TMC1: variants seen among roughly 807,000 people sequenced by gnomAD.
The protein encoded by TMC1 is transmembrane channel-like protein 1.
In TMC1, 84 loss-of-function variants were observed where a neutral mutation model predicts 105.8. That is an observed-to-expected ratio of 0.79 (90% CI 0.67 to 0.95). The LOEUF (loss-of-function observed/expected upper bound fraction) is 0.95. Among genes scored for constraint, TMC1 ranks in the 40% least tolerant of loss-of-function variants. The pLI is 0.00. For synonymous variants in TMC1, 315 were observed against 311.5 expected (o/e 1.01, Z -0.12); for missense variants, 817 against 914.1 (o/e 0.89, Z 1.37).
At chr9:72,675,483 G>C (rs944185989) in intron 5 of TMC1, among the ~76,000 whole-genome samples, 1 of 152,110 alleles carries the variant, frequency 6.6e-6, no homozygotes, top group African/African-American at 2.4e-5. Flanking sequence ...AAGCACCTGC[G>C]TGTATTTGTT....
In TMC1 at chr9:72,570,676, C is replaced by CTTTTTTT. The variant is rs529953890; in HGVS notation, c.-427-7202_-427-7196dup. On this transcript the variant is annotated intron_variant, in intron 1 of 23. Coordinates refer to ENST00000297784, the MANE Select transcript of TMC1 (RefSeq NM_138691.3). ...AGAAATCTACACTTTGCCAAATTTC[C>CTTTTTTT]TTTTTTTTTTTTTTTTTTTTTTTTT... Among the ~76,000 whole-genome samples the CTTTTTTT allele has an allele frequency of 7.9e-5, 6 of 75,614 alleles. 1 individual carries two copies. Among genetic ancestry groups the CTTTTTTT allele is most frequent in the Non-Finnish European group, 1.2e-4 (5 of 43,054 alleles). The allele number at this position is 75,614 out of a possible 152,430, so 49.6% of individuals were successfully genotyped here.
At chr9:72,802,884 T>G (rs986234177) in intron 17 of TMC1, among the ~76,000 whole-genome samples, 1 of 152,200 alleles carries the variant, frequency 6.6e-6, no homozygotes, top group African/African-American at 2.4e-5. Context: ...AAAAAACATT[T>G]TTAAATTCAT....
intron 13 of TMC1, among the ~76,000 whole-genome samples, chr9:72,778,563 G>C (rs889840404): frequency 6.6e-6 from 1 of 152,184 alleles, no homozygotes; most frequent in Admixed American, 6.5e-5. Context: ...ACTGCAGACT[G>C]TGTGGAGTTC....
intron 1 of TMC1, among the ~76,000 whole-genome samples, chr9:72,553,763 T>G (rs1823891162): frequency 6.6e-6 from 1 of 152,198 alleles, no homozygotes; most frequent in African/African-American, 2.4e-5. Flanking sequence ...ATTGGATTTC[T>G]GGGGTCCTAG....
chr9:72,591,945 A>G (rs564930676), intron 2 of TMC1, among the ~76,000 whole-genome samples: 1 of 152,244 alleles, frequency 6.6e-6, no homozygotes, highest in South Asian at 2.1e-4. Context: ...TGCATTTCTG[A>G]CAAATTACCT....
chr9:72,777,022 A>G (rs1686158326), intron 13 of TMC1, among the ~76,000 whole-genome samples: 1 of 152,132 alleles, frequency 6.6e-6, no homozygotes, highest in Non-Finnish European at 1.5e-5. Context: ...AAAAAAAATT[A>G]AACTTATCAA....
intron 18 of TMC1, among the ~76,000 whole-genome samples, chr9:72,809,651 G>A (rs1226287886): frequency 6.6e-6 from 1 of 152,140 alleles, no homozygotes; most frequent in Non-Finnish European, 1.5e-5. Flanking sequence ...ATTTTTGTTT[G>A]GTATGCCCAG....
At chr9:72,689,679 A>G (rs1158284247) in intron 6 of TMC1, among the ~76,000 whole-genome samples, 3 of 152,020 alleles carry the variant, frequency 2.0e-5, no homozygotes, top group Admixed American at 6.6e-5. Flanking sequence ...TGACCCTTTT[A>G]TTACTATTTA....
Position 72,604,949 on chromosome 9 carries a change from A to G in TMC1, c.-305-11419A>G, listed in dbSNP as rs578019519. 6.6e-5 allele frequency among the ~76,000 whole-genome samples: 10 copies of G among 152,322 alleles called. No individual in the cohort carries two copies. In the East Asian group the frequency reaches 1.9e-3, roughly 29 times the overall value. ...ATATCATCAGTATAGAAAATAGACA[A>G]CACATGTTAAAGGGAATGTAAAAAT... On this transcript the variant is annotated intron_variant, in intron 2 of 23. Coordinates refer to ENST00000297784, the MANE Select transcript of TMC1 (RefSeq NM_138691.3).
chr9:72,772,556 G>C lies in TMC1; in HGVS notation c.884+1G>C. The C allele has an allele frequency of 6.8e-6, 11 of 1,613,744 alleles. No individual in the cohort carries two copies. The highest frequency in any genetic ancestry group is 9.3e-6 in the Non-Finnish European group (11 of 1,179,716). On this transcript the variant is annotated splice_donor_variant, in intron 13 of 23. Transcript: ENST00000297784. LOFTEE classifies it high-confidence loss of function. Reference sequence around the variant, plus strand: ...ACAGCTTTCTGGTTGTCCTCAAAGCGTAAGTTTCATTTGTCTTTTGGGAAG... The same window carrying C: ...ACAGCTTTCTGGTTGTCCTCAAAGCCTAAGTTTCATTTGTCTTTTGGGAAG...
At chr9:72,582,119 G>A (rs563093752) in intron 2 of TMC1, among the ~76,000 whole-genome samples, 1 of 152,182 alleles carries the variant, frequency 6.6e-6, no homozygotes, top group Admixed American at 6.5e-5. Context: ...CACCATGCCT[G>A]GCTAATTTTG....
intron 5 of TMC1, chr9:72,656,261 C>T (rs1471401956): frequency 1.3e-5 from 5 of 373,654 alleles, no homozygotes; most frequent in Admixed American, 3.0e-5. Context: ...GGAGCAGGTG[C>T]GGGCGGATCA....
chr9:72,794,103 A>G (rs1204515169), intron 17 of TMC1, among the ~76,000 whole-genome samples: 2 of 151,596 alleles, frequency 1.3e-5, no homozygotes, highest in African/African-American at 4.8e-5. Flanking sequence ...TTGTCACCAG[A>G]CAGGGAACCC....
At chr9:72,775,531 A>G (rs565650865) in intron 13 of TMC1, among the ~76,000 whole-genome samples, 157 of 152,278 alleles carry the variant, frequency 1.0e-3, no homozygotes, top group Non-Finnish European at 1.9e-3. Flanking sequence ...TTACTGGTCT[A>G]TTTTACAGCA....
At chr9:72,543,034 T>C (rs1034433606) in intron 1 of TMC1, among the ~76,000 whole-genome samples, 1 of 152,152 alleles carries the variant, frequency 6.6e-6, no homozygotes, top group Non-Finnish European at 1.5e-5. Context: ...TTCACTTGTT[T>C]TTTTCTATGT....
rs1287911682 is a variant in TMC1, at chr9:72,837,020, G to A, written c.*1047G>A. The A allele has an allele frequency of 6.6e-6, 1 of 152,172 alleles. No homozygotes were observed. The highest frequency in any genetic ancestry group is 2.4e-5 in the African/African-American group (1 of 41,422). The allele number at this position is 152,172 out of a possible 1,614,324, so 9.4% of individuals were successfully genotyped here. ...CAAGTGCCCTGTTCAGCTTTGACCT[G>A]GGTTTCTATACACTGGCATGGTTCT... On this transcript the variant is annotated 3_prime_UTR_variant, in exon 24 of 24. Transcript: ENST00000297784.
intron 18 of TMC1, among the ~76,000 whole-genome samples, chr9:72,814,575 G>C (rs1828752605): frequency 6.6e-6 from 1 of 152,108 alleles, no homozygotes; most frequent in Non-Finnish European, 1.5e-5. Flanking sequence ...TAATACACAG[G>C]ACTCTTTATT....
At chr9:72,721,280 C>CT (rs1827020476) in intron 8 of TMC1, among the ~76,000 whole-genome samples, 1 of 152,150 alleles carries the variant, frequency 6.6e-6, no homozygotes, top group Non-Finnish European at 1.5e-5. Flanking sequence ...CCTTTACAAC[C>CT]TTTACCAGCT....
chr9:72,701,113 T>C (rs1796992), intron 8 of TMC1, among the ~76,000 whole-genome samples: 34,653 of 152,064 alleles, frequency 0.23, 4,276 homozygotes, highest in East Asian at 0.38. Flanking sequence ...GTGTGGATTG[T>C]GCACTCTTGT....
Sources: gnomAD v4.1 joint callset for allele counts (sites outside exome capture counted in the v4.1 genomes callset) on GRCh38, gnomAD v4.1.1 for gene constraint, MANE v1.5 for transcripts, NCBI Gene and HGNC (gene_info 2026-07-23, HGNC 2026-07-21) for gene names.